SLC9C1: variants seen among roughly 807,000 people sequenced by gnomAD.
SLC9C1 encodes solute carrier family 9 member C1.
A neutral mutation model predicts 140.9 loss-of-function variants in SLC9C1; 97 were observed. The ratio of observed to expected loss-of-function variants is 0.69; its 90% CI spans 0.58 to 0.82. SLC9C1 has a LOEUF of 0.82. SLC9C1 is among the 40% of genes least tolerant of loss of function. SLC9C1 has a pLI of 0.00. For missense variants in SLC9C1, 1,340 were observed against 1,389.3 expected (o/e 0.96, Z 0.56); for synonymous variants, 440 against 442.6 (o/e 0.99, Z 0.07).
At chr3:112,282,204 T>G (rs2080375677) in intron 2 of SLC9C1, among the ~76,000 whole-genome samples, 1 of 152,220 alleles carries the variant, frequency 6.6e-6, no homozygotes, top group African/African-American at 2.4e-5. Context: ...AGCATTTCAC[T>G]GAAAACTTGT....
chr3:112,217,930 A>T (rs1560082102), intron 14 of SLC9C1, among the ~76,000 whole-genome samples: 1 of 152,210 alleles, frequency 6.6e-6, no homozygotes, highest in South Asian at 2.1e-4. Flanking sequence ...CTTGCTTGCT[A>T]ATCTACAAAA....
At chr3:112,175,610 G>T (rs2077322062) in intron 23 of SLC9C1, among the ~76,000 whole-genome samples, 1 of 152,202 alleles carries the variant, frequency 6.6e-6, no homozygotes, top group Non-Finnish European at 1.5e-5. Flanking sequence ...GTAACAAGGA[G>T]GTTTGAAACT....
rs142817843 is a variant in SLC9C1, at chr3:112,214,773, C to T, written c.1790+2669G>A. 6.2e-3 allele frequency among the ~76,000 whole-genome samples: 946 copies of T among 152,246 alleles called. 14 individuals are homozygous for T. Among genetic ancestry groups the T allele is most frequent in the African/African-American group, 0.022 (904 of 41,544 alleles). On this transcript the variant is annotated intron_variant, in intron 15 of 28. Transcript: ENST00000305815. ...AGATGGATTCACAGCCGAATTCTAC[C>T]AGAGGTACAAGGAGGAGCTGCTACC...
intron 13 of SLC9C1, among the ~76,000 whole-genome samples, chr3:112,231,058 T>TAA (rs2078807130): frequency 6.6e-6 from 1 of 152,180 alleles, no homozygotes; most frequent in Non-Finnish European, 1.5e-5. Flanking sequence ...TCTTCATAAA[T>TAA]AAATCACTCT....
intron 26 of SLC9C1, among the ~76,000 whole-genome samples, chr3:112,163,742 T>C (rs572950529): frequency 0.01 from 1,524 of 152,270 alleles, 25 homozygotes; most frequent in African/African-American, 0.034. Flanking sequence ...AAAAAATGTA[T>C]ATTCTGTTGA....
At position 112,176,535 on chromosome 3, in the gene SLC9C1, G is replaced by A. The variant is rs563298419; in HGVS notation, c.2919+2996C>T. ...GACAATCTCCATGATGGTTTTTACCGAATGCTTTACTCCTCACCTTTTATA... is the reference window on the plus strand; with the variant it reads ...GACAATCTCCATGATGGTTTTTACCAAATGCTTTACTCCTCACCTTTTATA... On this transcript the variant is annotated intron_variant, in intron 23 of 28. Transcript: ENST00000305815. Among the ~76,000 whole-genome samples the A allele has an allele frequency of 1.5e-3, 233 of 152,250 alleles. 1 individual carries two copies. Among genetic ancestry groups the A allele is most frequent in the Non-Finnish European group, 2.4e-3 (165 of 68,012 alleles).
chr3:112,239,259 G>A (rs1359890363), intron 12 of SLC9C1, among the ~76,000 whole-genome samples: 2 of 152,238 alleles, frequency 1.3e-5, no homozygotes, highest in Non-Finnish European at 2.9e-5. Context: ...CGAGCCAGGT[G>A]CGGGATATAA....
Position 112,217,556 on chromosome 3 carries a change from A to G in SLC9C1, c.1676T>C (p.Met559Thr), listed in dbSNP as rs1576367963. The G allele has an allele frequency of 6.3e-7, 1 of 1,576,096 alleles. No homozygotes were observed. ...ATAATTCTTTATTGTATCAAGACTC[A>G]TACATCTAGAAAAAGAGAGAAATCT... ...ESFGEKKGKC[M>T]SLDTIKNYSE... Residue 559 changes from methionine (M) to threonine (T), a missense_variant, in exon 15 of 29, where the codon ATG becomes ACG. By Grantham distance (81) the Met-to-Thr change is moderately conservative. Coordinates refer to ENST00000305815, the MANE Select transcript of SLC9C1 (RefSeq NM_183061.3).
intron 26 of SLC9C1, among the ~76,000 whole-genome samples, chr3:112,164,173 C>T (rs1013113251): frequency 1.1e-4 from 16 of 151,766 alleles, no homozygotes; most frequent in Admixed American, 5.9e-4. Flanking sequence ...TGTCTCTGCA[C>T]GTGAATTGGG....
At chr3:112,155,972 A>G (rs1212405976) in intron 26 of SLC9C1, among the ~76,000 whole-genome samples, 2 of 152,140 alleles carry the variant, frequency 1.3e-5, no homozygotes, top group Non-Finnish European at 2.9e-5. Context: ...TAATTGGGAT[A>G]ACCATCACCT....
At chr3:112,261,602 G>C (rs558922743) in intron 10 of SLC9C1, among the ~76,000 whole-genome samples, 1 of 152,006 alleles carries the variant, frequency 6.6e-6, no homozygotes, top group East Asian at 1.9e-4. Context: ...GTAGGGTTCA[G>C]CTAGATTAAA....
intron 10 of SLC9C1, among the ~76,000 whole-genome samples, chr3:112,258,191 GTA>G (rs982151322): frequency 6.6e-6 from 1 of 152,144 alleles, no homozygotes; most frequent in African/African-American, 2.4e-5. Flanking sequence ...CCATTCCTGT[GTA>G]TATGCCCAAA....
chr3:112,175,370 C>G (rs1250787709), intron 23 of SLC9C1, among the ~76,000 whole-genome samples: 1 of 152,104 alleles, frequency 6.6e-6, no homozygotes, highest in Non-Finnish European at 1.5e-5. Flanking sequence ...CCGAACACAC[C>G]TGTAGGAGGT....
chr3:112,268,873 G>A (rs2079993850), intron 7 of SLC9C1, among the ~76,000 whole-genome samples: 1 of 152,154 alleles, frequency 6.6e-6, no homozygotes, highest in South Asian at 2.1e-4. Context: ...TCCAAATCAT[G>A]TGAAGGGCTG....
intron 5 of SLC9C1, among the ~76,000 whole-genome samples, chr3:112,276,517 G>A (rs2080218946): frequency 6.6e-6 from 1 of 151,958 alleles, no homozygotes; most frequent in South Asian, 2.1e-4. Context: ...ATTTCTTCTG[G>A]AAAGATACAG....
At chr3:112,172,271 T>C (rs892451641) in intron 23 of SLC9C1, among the ~76,000 whole-genome samples, 1 of 152,158 alleles carries the variant, frequency 6.6e-6, no homozygotes, top group Non-Finnish European at 1.5e-5. Context: ...ATGGTTTTCA[T>C]TGTAGAGTTA....
chr3:112,289,442 A>G (rs1185784684), intron 1 of SLC9C1, among the ~76,000 whole-genome samples: 1 of 152,222 alleles, frequency 6.6e-6, no homozygotes, highest in Non-Finnish European at 1.5e-5. Context: ...AGGAGGGTAG[A>G]CTAGAGCTAA....
intron 6 of SLC9C1, among the ~76,000 whole-genome samples, 171 bp downstream of exon 6, chr3:112,274,726 C>T (rs1017832925): frequency 6.6e-6 from 1 of 152,146 alleles, no homozygotes; most frequent in Non-Finnish European, 1.5e-5. Context: ...AAATATGTAA[C>T]TAACATTAAG....
At chr3:112,212,427 G>A (rs537509247) in intron 15 of SLC9C1, among the ~76,000 whole-genome samples, 2 of 152,084 alleles carry the variant, frequency 1.3e-5, no homozygotes, top group African/African-American at 2.4e-5. Context: ...GAGGAAGTTC[G>A]AACCCATGGC....
Sources: gnomAD v4.1 joint callset for allele counts (sites outside exome capture counted in the v4.1 genomes callset) on GRCh38, gnomAD v4.1.1 for gene constraint, MANE v1.5 for transcripts, NCBI Gene and HGNC (gene_info 2026-07-23, HGNC 2026-07-21) for gene names.